Variants in DLEC1 observed in about 807,000 individuals in gnomAD.
DLEC1 encodes DLEC1 cilia and flagella associated protein, also known as deleted in lung and esophageal cancer protein 1.
DLEC1 carries 146 observed loss-of-function variants against 198.1 expected under a neutral mutation model. That is an observed-to-expected ratio of 0.74 (90% confidence interval 0.64 to 0.85). The LOEUF (loss-of-function observed/expected upper bound fraction) is 0.85. Ranked by LOEUF, DLEC1 falls within the 40% of genes least tolerant of loss-of-function variation. The pLI, the probability that DLEC1 is intolerant of heterozygous loss-of-function variation, is 0.00. For synonymous variants in DLEC1, 897 were observed against 866.8 expected (o/e 1.03, Z -0.61); for missense variants, 2,233 against 2,220.0 (o/e 1.01, Z -0.12).
chr3:38,093,084 C>A (rs1422421641), intron 11 of DLEC1, among the ~76,000 whole-genome samples: 2 of 152,170 alleles, frequency 1.3e-5, no homozygotes, highest in Non-Finnish European at 2.9e-5. Flanking sequence ...GCCAGTGTGG[C>A]CTCCAAGACA....
rs879092617 is a variant in DLEC1, at chr3:38,096,729, G to A, written c.2332G>A (p.Ala778Thr). Residue 778 changes from alanine to threonine, a missense_variant, in exon 15 of 37, where the codon GCT (alanine) becomes ACT (threonine). Physicochemically the swap from Ala to Thr is moderately conservative, Grantham distance 58. Coordinates refer to ENST00000308059, the MANE Select transcript of DLEC1 (RefSeq NM_007335.4). ...CTACATTGGGATAAATGTGAAGAAG[G>A]CTTTTAAGGTAGGTCATTGTCTCTC... is the stretch of plus-strand genomic sequence containing the variant. ...ENYIGINVKKAFKMWNNSKSP... is the reference protein window; with the variant it reads ...ENYIGINVKKTFKMWNNSKSP... 6.8e-6 allele frequency: 11 copies of A among 1,608,902 alleles called. No individual in the cohort carries two copies. The highest frequency in any genetic ancestry group is 8.5e-6 in the Non-Finnish European group (10 of 1,177,846).
intron 3 of DLEC1, among the ~76,000 whole-genome samples, chr3:38,061,171 GTTT>G (rs1696663878): frequency 2.0e-5 from 3 of 151,562 alleles, no homozygotes; most frequent in Non-Finnish European, 4.4e-5. Context: ...TTTCTTGTTT[GTTT>G]GTTTGTTTGT....
At chr3:38,077,317 T>G (rs1358314781) in intron 6 of DLEC1, among the ~76,000 whole-genome samples, 2 of 152,214 alleles carry the variant, frequency 1.3e-5, no homozygotes, top group African/African-American at 4.8e-5. Context: ...CAAGTGTTTT[T>G]GGGGCACAGT....
chr3:38,122,028 G>A (rs927008677), intron 35 of DLEC1, 43 bp from the exon 36 acceptor site: 1 of 1,606,802 alleles, frequency 6.2e-7, no homozygotes, highest in Non-Finnish European at 8.5e-7. Context: ...GGGAGTACAT[G>A]GGGCTGCCTG....
At chr3:38,120,309 A>G (rs1700382530) in intron 33 of DLEC1, 139 bp from the exon 34 acceptor site, 15 of 922,804 alleles carry the variant, frequency 1.6e-5, no homozygotes, top group Non-Finnish European at 2.6e-5. Context: ...TTGTGGAATG[A>G]AAGCACCAGG....
At chr3:38,115,719 T>C (rs1700119104) in intron 27 of DLEC1, among the ~76,000 whole-genome samples, 1 of 151,840 alleles carries the variant, frequency 6.6e-6, no homozygotes, top group Admixed American at 6.6e-5. Flanking sequence ...GGACAGGACT[T>C]TGGGGACTTC....
In DLEC1 at chr3:38,097,170, G is replaced by C. The variant is rs1440810098; in HGVS notation, c.2341-12G>C. The C allele has an allele frequency of 1.9e-6, 3 of 1,560,746 alleles. No homozygotes were observed. ...GCAGTAAATGGGCAGCCTGGTCTCGGGTGTCTTTCAGATGTGGAACAACAG... is the reference window on the plus strand; with the variant it reads ...GCAGTAAATGGGCAGCCTGGTCTCGCGTGTCTTTCAGATGTGGAACAACAG... On this transcript the variant is annotated splice_polypyrimidine_tract_variant and intron_variant, in intron 15 of 36. Coordinates refer to ENST00000308059, the MANE Select transcript of DLEC1 (RefSeq NM_007335.4).
Position 38,064,037 on chromosome 3 carries a change from T to C in DLEC1, c.1173+118T>C, listed in dbSNP as rs544522148. On this transcript the variant is annotated intron_variant, in intron 6 of 36. Transcript: ENST00000308059. ...TTTTTTTTTTTTTAGTATTTATTGA[T>C]CATTCTTGGGTGTTTCTCGGAGAGG... The C allele has an allele frequency of 1.2e-5, 8 of 692,258 alleles. 1 individual carries two copies. The South Asian group carries it at 1.7e-4, about 15-fold the overall frequency. The allele number at this position is 692,258 out of a possible 1,614,324, so 42.9% of individuals were successfully genotyped here. A position where few individuals can be genotyped will look rare whatever the true frequency, so the allele number is the denominator to read the frequency against.
At chr3:38,053,716 C>T (rs777286696) in intron 2 of DLEC1, among the ~76,000 whole-genome samples, 66 of 152,346 alleles carry the variant, frequency 4.3e-4, no homozygotes, top group Non-Finnish European at 7.8e-4. Context: ...TCATTGAGAA[C>T]GGGCCATGAT....
rs1350756834 is a variant in DLEC1 at position 38,115,071 on chromosome 3, G to T, written c.3856+18G>T. 1.9e-6 allele frequency: 3 copies of T among 1,613,514 alleles called. No homozygotes were observed. The highest frequency in any genetic ancestry group is 2.5e-6 in the Non-Finnish European group (3 of 1,179,762). On this transcript the variant is annotated intron_variant, in intron 27 of 36. Coordinates refer to ENST00000308059, the MANE Select transcript of DLEC1 (RefSeq NM_007335.4). ...CCCCTGTGGTAAGACATGCATGAGAGAAGTCAGTGTTCTTGCCACAGGCTG... is the reference window on the plus strand; with the variant it reads ...CCCCTGTGGTAAGACATGCATGAGATAAGTCAGTGTTCTTGCCACAGGCTG...
intron 19 of DLEC1, chr3:38,103,177 T>A (rs1368422168): frequency 6.6e-6 from 1 of 152,188 alleles, no homozygotes; most frequent in Non-Finnish European, 1.5e-5. Flanking sequence ...TGTCTATCAT[T>A]CCAATCTCTA....
intron 33 of DLEC1, among the ~76,000 whole-genome samples, chr3:38,120,077 C>T (rs933003349): frequency 6.6e-6 from 1 of 152,246 alleles, no homozygotes; most frequent in African/African-American, 2.4e-5. Flanking sequence ...CTGCAGCCCA[C>T]CTCCCCACCA....
rs1406591225 is a variant in DLEC1 at position 38,097,172 on chromosome 3, T to C, written c.2341-10T>C. On this transcript the variant is annotated splice_polypyrimidine_tract_variant and intron_variant, in intron 15 of 36. Transcript: ENST00000308059. The stretch of plus-strand genomic sequence containing the variant: ...AGTAAATGGGCAGCCTGGTCTCGGG[T>C]GTCTTTCAGATGTGGAACAACAGCA... The C allele has an allele frequency of 6.4e-7, 1 of 1,561,650 alleles. No individual in the cohort carries two copies. Among genetic ancestry groups the C allele is most frequent in the Non-Finnish European group, 8.7e-7 (1 of 1,151,854 alleles).
At chr3:38,089,711 T>A (rs1284413951) in intron 10 of DLEC1, among the ~76,000 whole-genome samples, 1 of 152,058 alleles carries the variant, frequency 6.6e-6, no homozygotes, top group Non-Finnish European at 1.5e-5. Context: ...CCTCCTGGGA[T>A]CTCCAAGTAA....
At chr3:38,055,992 G>A (rs1696343126) in intron 2 of DLEC1, among the ~76,000 whole-genome samples, 1 of 151,956 alleles carries the variant, frequency 6.6e-6, no homozygotes, top group Non-Finnish European at 1.5e-5. Context: ...ACCGAGTTGG[G>A]TGGATCACTT....
chr3:38,111,621 G>A (rs905068222), intron 23 of DLEC1, 56 bp from the exon 24 acceptor site: 2 of 1,583,194 alleles, frequency 1.3e-6, no homozygotes, highest in Non-Finnish European at 1.7e-6. Flanking sequence ...ACCTGGCTCA[G>A]GTCTTGGGAC....
chr3:38,095,921 C>G lies in DLEC1; in HGVS notation c.2146C>G (p.Leu716Val). 6.2e-7 allele frequency: 1 copy of G among 1,613,838 alleles called. No homozygotes were observed. Among genetic ancestry groups the G allele is most frequent in the Non-Finnish European group, 8.5e-7 (1 of 1,180,012 alleles). Residue 716 changes from leucine (L) to valine (V), a missense_variant, in exon 14 of 37, where the codon CTA becomes GTA. Coordinates refer to ENST00000308059, the MANE Select transcript of DLEC1 (RefSeq NM_007335.4). ...RDFHSVLQMV[L>V]EEVPEPVSSE... ...TTTTCACAGTGTGCTCCAGATGGTG[C>G]TAGAGGAAGTCCCAGAGCCTGTAAG...
intron 8 of DLEC1, 40 bp from the exon 9 acceptor site, chr3:38,086,187 GCCTATTAAGAGTGA>G: frequency 1.9e-6 from 3 of 1,560,290 alleles, no homozygotes; most frequent in Non-Finnish European, 2.6e-6. Context: ...TGACAGTAGG[GCCTATTAAGAGTGA>G]CCTGTTGTTT....
chr3:38,117,551 C>T lies in DLEC1; in HGVS notation c.4425C>T (p.Gly1475=), dbSNP rs138294854. ...GGCTAAGTGTGGAGCTGGACTACGG[C>T]GGCAGTATGGAATTCCAGTGCCAGG... ...PAQLSVELDY[G]GSMEFQCQAS... Residue 1475 remains glycine (G), a synonymous_variant, in exon 32 of 37, where the codon GGC becomes GGT. Coordinates refer to ENST00000308059, the MANE Select transcript of DLEC1 (RefSeq NM_007335.4). The T allele has an allele frequency of 2.5e-5, 40 of 1,614,144 alleles. No homozygotes were observed. The East Asian group carries it at 6.0e-4, about 24-fold the overall frequency.
Sources: gnomAD v4.1 joint callset for allele counts (sites outside exome capture counted in the v4.1 genomes callset) on GRCh38, gnomAD v4.1.1 for gene constraint, MANE v1.5 for transcripts, NCBI Gene and HGNC (gene_info 2026-07-23, HGNC 2026-07-21) for gene names.